LRP8: variants seen among roughly 807,000 people sequenced by gnomAD.
LRP8 encodes the protein low-density lipoprotein receptor-related protein 8.
Under a neutral mutation model 111.6 loss-of-function variants are expected in LRP8, and 46 were observed. The observed-to-expected ratio is 0.41, with a 90% CI of 0.33 to 0.53. LRP8 has a LOEUF of 0.53. Ranked by LOEUF, LRP8 falls within the 20% of genes least tolerant of loss-of-function variation. The pLI is 0.20. For synonymous variants in LRP8, 464 were observed against 511.2 expected (o/e 0.91, Z 1.24); for missense variants, 959 against 1,297.4 (o/e 0.74, Z 4.01).
At position 53,243,743 on chromosome 1, in the gene LRP8, C is replaced by T. The variant is rs545880326; in HGVS notation, c.*3275G>A. ...CTCTGTCTGAAGCAGCTTGGAATCC[C>T]CTTCTTAATTTTTAAGACTTAAGGT... is the stretch of plus-strand genomic sequence containing the variant. On this transcript the variant is annotated 3_prime_UTR_variant, in exon 19 of 19. Coordinates refer to ENST00000306052, the MANE Select transcript of LRP8 (RefSeq NM_004631.5). 3 of 152,190 alleles carry T rather than the reference C, an allele frequency of 2.0e-5. No individual in the cohort carries two copies. Among genetic ancestry groups the T allele is most frequent in the Non-Finnish European group, 4.4e-5 (3 of 68,060 alleles). 9.4% of individuals were successfully genotyped at this position (152,190 alleles called of 1,614,324 possible).
At chr1:53,288,951 C>T (rs146862879) in intron 3 of LRP8, among the ~76,000 whole-genome samples, 17 of 152,216 alleles carry the variant, frequency 1.1e-4, no homozygotes, top group Non-Finnish European at 2.4e-4. Context: ...CAGCTCTGGC[C>T]TCTACCTCCC....
In LRP8 at chr1:53,275,279, A is replaced by C. The variant is rs919098367; in HGVS notation, c.1006+352T>G. On this transcript the variant is annotated intron_variant, in intron 6 of 18. Transcript: ENST00000306052. This position sits in a 1 kb window ranked among gnomAD's most constrained non-coding sequence, Gnocchi z 4.4. ...TGGTGACCAGAAGAACCATCTGAGA[A>C]CTAAAGGGGCTCCCTGGGGAGCAAG... Among the ~76,000 whole-genome samples, 2 of 152,162 alleles carry C rather than the reference A, an allele frequency of 1.3e-5. No individual in the cohort carries two copies. The highest frequency in any genetic ancestry group is 2.9e-5 in the Non-Finnish European group (2 of 68,030).
At chr1:53,247,804 T>C (rs1645774512) in intron 18 of LRP8, among the ~76,000 whole-genome samples, 1 of 152,258 alleles carries the variant, frequency 6.6e-6, no homozygotes, top group Non-Finnish European at 1.5e-5. Flanking sequence ...TTGAAATTTA[T>C]AGATGGTGTT....
chr1:53,296,804 C>T (rs1649812210), intron 2 of LRP8, among the ~76,000 whole-genome samples: 1 of 152,234 alleles, frequency 6.6e-6, no homozygotes, highest in South Asian at 2.1e-4. Flanking sequence ...GACGGCCGTC[C>T]CACTACCAGA....
intron 2 of LRP8, among the ~76,000 whole-genome samples, chr1:53,292,587 C>T (rs558672833): frequency 1.8e-4 from 28 of 152,336 alleles, no homozygotes; most frequent in African/African-American, 5.5e-4. Flanking sequence ...GTGGTTTTCC[C>T]CCCACAAGAA....
rs1365826504 is a variant in LRP8, at chr1:53,279,523, G to A, written c.496+1064C>T. 6.6e-6 allele frequency among the ~76,000 whole-genome samples: 1 copy of A among 152,202 alleles called. No individual in the cohort carries two copies. The highest frequency in any genetic ancestry group is 1.5e-5 in the Non-Finnish European group (1 of 68,034). On this transcript the variant is annotated intron_variant, in intron 4 of 18. Transcript: ENST00000306052. This position sits in a 1 kb window ranked among gnomAD's most constrained non-coding sequence, Gnocchi z 4.4. ...CCATCACTGGGACTTTGAAACTGCT[G>A]TTCCCAGCCAGGATCTCCCTCCATA...
At chr1:53,253,702 C>A (rs1006445491) in intron 16 of LRP8, among the ~76,000 whole-genome samples, 2 of 152,194 alleles carry the variant, frequency 1.3e-5, no homozygotes, top group African/African-American at 4.8e-5. Flanking sequence ...GGAATAATCA[C>A]CTCACCATCA....
chr1:53,313,704 C>T (rs1290562483), intron 2 of LRP8, among the ~76,000 whole-genome samples: 1 of 152,064 alleles, frequency 6.6e-6, no homozygotes, highest in Admixed American at 6.5e-5. Flanking sequence ...TGTGGCTGGA[C>T]AGGAGACGCC....
chr1:53,315,398 G>A (rs1275314217), intron 2 of LRP8, among the ~76,000 whole-genome samples: 3 of 152,176 alleles, frequency 2.0e-5, no homozygotes, highest in Non-Finnish European at 4.4e-5. Flanking sequence ...TGAGCACTGC[G>A]CATGCACCAT....
chr1:53,314,336 T>G (rs1053657107), intron 2 of LRP8, among the ~76,000 whole-genome samples: 1 of 152,236 alleles, frequency 6.6e-6, no homozygotes, highest in African/African-American at 2.4e-5. Context: ...CTAACATTTA[T>G]AGAGCCTGCG....
chr1:53,268,287 G>A (rs1328168337), intron 8 of LRP8: 3 of 152,250 alleles, frequency 2.0e-5, no homozygotes, highest in African/African-American at 7.2e-5. Context: ...TGACAGCTGT[G>A]ACTGTGACAG....
intron 1 of LRP8, 136 bp from the exon 2 acceptor site, chr1:53,327,128 A>C: frequency 2.5e-6 from 3 of 1,224,294 alleles, no homozygotes; most frequent in African/African-American, 1.5e-5. Flanking sequence ...CTTCAGGCAC[A>C]CTCCATCCAA....
At chr1:53,299,768 C>T (rs1226474230) in intron 2 of LRP8, among the ~76,000 whole-genome samples, 1 of 152,258 alleles carries the variant, frequency 6.6e-6, no homozygotes, top group African/African-American at 2.4e-5. Flanking sequence ...GGCCGTCTGC[C>T]ACTCCTGGCC....
intron 13 of LRP8, 108 bp from the exon 14 acceptor site, chr1:53,258,579 A>G (rs372178267): frequency 6.0e-5 from 61 of 1,017,998 alleles, no homozygotes; most frequent in Non-Finnish European, 7.9e-5. Flanking sequence ...AGCTTGCCCT[A>G]TACTTTTTTT....
chr1:53,248,158 A>G (rs1003639572), intron 18 of LRP8, among the ~76,000 whole-genome samples: 3 of 152,244 alleles, frequency 2.0e-5, no homozygotes, highest in South Asian at 2.1e-4. Context: ...CGTAACCAAC[A>G]TAAAATAGAA....
intron 3 of LRP8, among the ~76,000 whole-genome samples, chr1:53,283,501 T>G (rs1647189123): frequency 7.2e-6 from 1 of 138,022 alleles, no homozygotes; most frequent in African/African-American, 2.9e-5. Context: ...GGCCACTTAC[T>G]TACTTACTAC....
Position 53,257,538 on chromosome 1 carries a change from T to C in LRP8, c.2210-74A>G. 5 of 1,125,702 alleles carry C rather than the reference T, an allele frequency of 4.4e-6. No homozygotes were observed. In the South Asian group the frequency reaches 5.4e-5, roughly 12 times the overall value. The allele number at this position is 1,125,702 out of a possible 1,614,324, so 69.7% of individuals were successfully genotyped here. A position where few individuals can be genotyped will look rare whatever the true frequency, so the allele number is the denominator to read the frequency against. On this transcript the variant is annotated intron_variant, in intron 14 of 18. Coordinates refer to ENST00000306052, the MANE Select transcript of LRP8 (RefSeq NM_004631.5). Reference sequence around the variant, plus strand: ...CTAAGGTATTGCCTCTGAGATATACTTAGGAACTTATCTTCATGGCGTAGC... The same window carrying C: ...CTAAGGTATTGCCTCTGAGATATACCTAGGAACTTATCTTCATGGCGTAGC...
chr1:53,271,456 A>G, intron 6 of LRP8, 110 bp from the exon 7 acceptor site: 1 of 1,236,966 alleles, frequency 8.1e-7, no homozygotes, highest in Non-Finnish European at 1.1e-6. Context: ...GGACTCCCAT[A>G]GAGGCAGGAG....
In LRP8 at chr1:53,246,260, G is replaced by T. The variant is rs2100327816; in HGVS notation, c.*758C>A. 1 of 152,218 alleles carries T rather than the reference G, an allele frequency of 6.6e-6. No homozygotes were observed. Among genetic ancestry groups the T allele is most frequent in the Admixed American group, 6.5e-5 (1 of 15,290 alleles). The allele number at this position is 152,218 out of a possible 1,614,324, so 9.4% of individuals were successfully genotyped here. A position where few individuals can be genotyped will look rare whatever the true frequency, so the allele number is the denominator to read the frequency against. On this transcript the variant is annotated 3_prime_UTR_variant, in exon 19 of 19. Transcript: ENST00000306052. ...GCACAAACCATGGTATCTATTTTCTGATCCAGATTTCCAAAGGCTTTTCTG... is the reference window on the plus strand; with the variant it reads ...GCACAAACCATGGTATCTATTTTCTTATCCAGATTTCCAAAGGCTTTTCTG...
Sources: allele counts gnomAD v4.1 joint callset (sites outside exome capture counted in the v4.1 genomes callset), GRCh38; gene constraint gnomAD v4.1.1; non-coding constraint Gnocchi (gnomAD v3.1); transcripts MANE v1.5; gene names NCBI Gene and HGNC (gene_info 2026-07-23, HGNC 2026-07-21).